Variants in YIPF1 observed in about 807,000 individuals in gnomAD.
YIPF1 encodes the protein Yip1 domain family member 1, also known as protein YIPF1.
Under a neutral mutation model 37.0 loss-of-function variants are expected in YIPF1, and 22 were observed. That is an observed-to-expected ratio of 0.59 (90% CI 0.42 to 0.85). The LOEUF is 0.85. Ranked by LOEUF, YIPF1 falls within the 40% of genes least tolerant of loss-of-function variation. YIPF1 has a pLI of 0.00. For missense variants in YIPF1, 355 were observed against 373.1 expected (o/e 0.95, Z 0.40); for synonymous variants, 128 against 131.9 (o/e 0.97, Z 0.21).
chr1:53,866,352 G>T lies in YIPF1; in HGVS notation c.679C>A (p.Arg227Ser). 6.2e-7 allele frequency: 1 copy of T among 1,614,026 alleles called. No individual in the cohort carries two copies. The highest frequency in any genetic ancestry group is 1.1e-5 in the South Asian group (1 of 91,052). ...AGGGCAATCATGACTAGAATCCAAC[G>T]AACAGCTTTCTGGGGGATAATCCAC... ...ILWIIPQKAV[R>S]WILVMIALGI... The change falls in exon 9 of 11, where the codon CGT (arginine) becomes AGT (serine). Residue 227 changes from arginine to serine, a missense_variant. Transcript: ENST00000072644.
chr1:53,880,035 C>A (rs1650447875), intron 4 of YIPF1, among the ~76,000 whole-genome samples: 1 of 151,950 alleles, frequency 6.6e-6, no homozygotes, highest in Non-Finnish European at 1.5e-5. Context: ...GAAGTTCTGG[C>A]CAGGGCAATC....
chr1:53,866,118 A>G, intron 9 of YIPF1, 82 bp downstream of exon 9: 1 of 1,500,632 alleles, frequency 6.7e-7, no homozygotes, highest in Non-Finnish European at 9.0e-7. Context: ...CAATTTTAAA[A>G]GAACTGTTGT....
intron 3 of YIPF1, among the ~76,000 whole-genome samples, chr1:53,886,291 G>A (rs2100745295): frequency 6.6e-6 from 1 of 151,968 alleles, no homozygotes; most frequent in Non-Finnish European, 1.5e-5. Context: ...ACTGGAGTGT[G>A]GGCTGCGTGT....
intron 9 of YIPF1, among the ~76,000 whole-genome samples, chr1:53,861,463 A>G (rs1046794026): frequency 6.6e-6 from 1 of 152,154 alleles, no homozygotes; most frequent in Non-Finnish European, 1.5e-5. Context: ...ATTAGCTCAC[A>G]CTGTGACTTT....
chr1:53,861,642 A>G (rs917665979), intron 9 of YIPF1, among the ~76,000 whole-genome samples: 1 of 138,898 alleles, frequency 7.2e-6, no homozygotes, highest in African/African-American at 2.7e-5. Context: ...GCAGGCAGGG[A>G]AGGAAGGAAG....
intron 4 of YIPF1, 194 bp downstream of exon 4, chr1:53,882,919 G>A: frequency 4.0e-6 from 2 of 499,430 alleles, no homozygotes; most frequent in South Asian, 3.9e-5. Flanking sequence ...CTACCCCAGT[G>A]TTCCCCTCCA....
chr1:53,878,859 C>T (rs529069648), intron 4 of YIPF1, 137 bp from the exon 5 acceptor site: 5 of 710,446 alleles, frequency 7.0e-6, no homozygotes, highest in Middle Eastern at 2.6e-4. Flanking sequence ...CAATAACCAA[C>T]TCTGAAATAG....
At chr1:53,874,626 C>T (rs145577019) in intron 6 of YIPF1, among the ~76,000 whole-genome samples, 309 of 152,016 alleles carry the variant, frequency 2.0e-3, no homozygotes, top group Non-Finnish European at 3.6e-3. Context: ...AATTAGCTGG[C>T]GTGGTGGCAC....
At chr1:53,860,913 T>C (rs769875008) in intron 9 of YIPF1, among the ~76,000 whole-genome samples, 6 of 152,190 alleles carry the variant, frequency 3.9e-5, no homozygotes, top group Non-Finnish European at 7.3e-5. Flanking sequence ...CTCACTACCC[T>C]TGAATACTGG....
At chr1:53,875,361 A>C (rs926005858) in intron 6 of YIPF1, among the ~76,000 whole-genome samples, 3 of 152,026 alleles carry the variant, frequency 2.0e-5, no homozygotes, top group Non-Finnish European at 4.4e-5. Flanking sequence ...CAAAAAATAC[A>C]AACATTATCC....
intron 9 of YIPF1, among the ~76,000 whole-genome samples, chr1:53,864,022 G>A (rs1447530001): frequency 2.0e-5 from 3 of 152,130 alleles, no homozygotes; most frequent in African/African-American, 7.2e-5. Context: ...GATTATAGGC[G>A]AGAGCCACCA....
In YIPF1 at chr1:53,851,819, C is replaced by G. The variant is rs1352668275; in HGVS notation, c.*460G>C. On this transcript the variant is annotated 3_prime_UTR_variant, in exon 11 of 11. Coordinates refer to ENST00000072644, the MANE Select transcript of YIPF1 (RefSeq NM_018982.5). ...ACAAATTTTCAAGCTCCCGGTTAAT[C>G]CCCACCAAAGTTTCTACTGTTCGGC... 6.6e-6 allele frequency: 1 copy of G among 152,198 alleles called. No homozygotes were observed. Among genetic ancestry groups the G allele is most frequent in the African/African-American group, 2.4e-5 (1 of 41,450 alleles). The allele number at this position is 152,198 out of a possible 1,614,324, so 9.4% of individuals were successfully genotyped here.
Position 53,883,128 on chromosome 1 carries a change from GTCA to G in YIPF1, c.177_179del (p.Asp60del). The G allele has an allele frequency of 6.3e-7, 1 of 1,575,362 alleles. No individual in the cohort carries two copies. The highest frequency in any genetic ancestry group is 8.6e-7 in the Non-Finnish European group (1 of 1,167,214). ...AAGTTCAAACCTCAGTTTTGTCAGAGTCATCATTTCCCAGTAACTCATCATCTT... is the reference window on the plus strand; with the variant it reads ...AAGTTCAAACCTCAGTTTTGTCAGAGTCATTTCCCAGTAACTCATCATCTT... On this transcript the variant is annotated inframe_deletion, in exon 4 of 11. Coordinates refer to ENST00000072644, the MANE Select transcript of YIPF1 (RefSeq NM_018982.5).
chr1:53,862,199 T>G (rs1649901784), intron 9 of YIPF1, among the ~76,000 whole-genome samples: 2 of 152,332 alleles, frequency 1.3e-5, no homozygotes, highest in African/African-American at 4.8e-5. Context: ...CTTTTAAAGA[T>G]GAGAAAGCTG....
intron 7 of YIPF1, among the ~76,000 whole-genome samples, chr1:53,870,127 G>A (rs902331786): frequency 6.9e-6 from 1 of 145,536 alleles, no homozygotes; most frequent in African/African-American, 2.6e-5. Flanking sequence ...CCAAAGTGCT[G>A]GGATTACAGG....
chr1:53,869,162 A>T (rs7527269), intron 7 of YIPF1, among the ~76,000 whole-genome samples: 2,867 of 62,206 alleles, frequency 0.046, 52 homozygotes, highest in African/African-American at 0.15. Flanking sequence ...TCTCTCTCTC[A>T]CACACACACA....
At chr1:53,865,434 G>A (rs963009297) in intron 9 of YIPF1, among the ~76,000 whole-genome samples, 19 of 152,248 alleles carry the variant, frequency 1.2e-4, no homozygotes, top group South Asian at 4.2e-4. Flanking sequence ...TTAAAATACA[G>A]TATAATAACT....
chr1:53,854,122 C>T (rs1362329243), intron 10 of YIPF1, among the ~76,000 whole-genome samples: 3 of 152,210 alleles, frequency 2.0e-5, no homozygotes, highest in Admixed American at 1.3e-4. Context: ...CATGATGATG[C>T]ATTCCTGTAA....
At chr1:53,854,445 C>T (rs1179696305) in intron 10 of YIPF1, among the ~76,000 whole-genome samples, 1 of 152,156 alleles carries the variant, frequency 6.6e-6, no homozygotes, top group Non-Finnish European at 1.5e-5. Flanking sequence ...GCCTCTACCA[C>T]CTCTTGGCCT....
Sources: gnomAD v4.1 joint callset for allele counts (sites outside exome capture counted in the v4.1 genomes callset) on GRCh38, gnomAD v4.1.1 for gene constraint, MANE v1.5 for transcripts, NCBI Gene and HGNC (gene_info 2026-07-23, HGNC 2026-07-21) for gene names.